Variants in PCYT1A observed in about 807,000 individuals in gnomAD.
The protein encoded by PCYT1A is choline-phosphate cytidylyltransferase A.
A neutral mutation model predicts 43.7 loss-of-function variants in PCYT1A; 25 were observed. That is an observed-to-expected ratio of 0.57 (90% CI 0.42 to 0.80). The LOEUF is 0.80. PCYT1A is among the 30% of genes least tolerant of loss of function. PCYT1A has a pLI of 0.00. For missense variants in PCYT1A, 421 were observed against 474.2 expected (o/e 0.89, Z 1.04); for synonymous variants, 172 against 170.7 (o/e 1.01, Z -0.06).
intron 3 of PCYT1A, among the ~76,000 whole-genome samples, chr3:196,256,854 T>C (rs997832530): frequency 6.6e-6 from 1 of 152,182 alleles, no homozygotes; most frequent in Non-Finnish European, 1.5e-5. Flanking sequence ...CTTCTATTTG[T>C]ATTTCACTGT....
In PCYT1A at chr3:196,246,871, G is replaced by A. The variant is rs1724585157; in HGVS notation, c.486+496C>T. 2.6e-5 allele frequency among the ~76,000 whole-genome samples: 4 copies of A among 151,562 alleles called. No homozygotes were observed. The South Asian group carries it at 8.3e-4, about 32-fold the overall frequency. ...AGTGGTGTAACTTGTGGCGAGTTCA[G>A]TTCCCAGCCCTGCCAGTGGTGTAAT... is the stretch of plus-strand genomic sequence containing the variant. On this transcript the variant is annotated intron_variant, in intron 5 of 8. Transcript: ENST00000431016.
At chr3:196,276,440 C>T (rs1438789669) in intron 1 of PCYT1A, among the ~76,000 whole-genome samples, 1 of 151,448 alleles carries the variant, frequency 6.6e-6, no homozygotes, top group African/African-American at 2.4e-5. Context: ...TCCATCTCTA[C>T]AAAAATACAA....
chr3:196,238,788 C>G lies in PCYT1A; in HGVS notation c.1004G>C (p.Arg335Pro), dbSNP rs754397679. The stretch of plus-strand genomic sequence containing the variant: ...GGAAGTCTTGCCGGAGAAGGGCCAT[C>G]GGAAAGAGGGGGAGGGGGAGCGCTC... ...TRERSPSPSF[R>P]WPFSGKTSPP... Residue 335 changes from arginine (R) to proline (P), a missense_variant, in exon 9 of 9, where the codon CGA (arginine) becomes CCA (proline). Arg to Pro is a moderately radical substitution (Grantham distance 103, BLOSUM62 -2). Transcript: ENST00000431016. The G allele has an allele frequency of 6.3e-7, 1 of 1,586,182 alleles. No individual in the cohort carries two copies. The highest frequency in any genetic ancestry group is 8.6e-7 in the Non-Finnish European group (1 of 1,167,166).
chr3:196,281,889 C>A (rs1725781600), intron 1 of PCYT1A, among the ~76,000 whole-genome samples: 1 of 152,160 alleles, frequency 6.6e-6, no homozygotes, highest in Non-Finnish European at 1.5e-5. Context: ...GGGGGTCTCA[C>A]TTTGCTGCCC....
At position 196,247,805 on chromosome 3, in the gene PCYT1A, C is replaced by T. The variant is rs1560165031; in HGVS notation, c.335-287G>A. The T allele has an allele frequency of 1.7e-6, 1 of 574,246 alleles. No individual in the cohort carries two copies. Among genetic ancestry groups the T allele is most frequent in the African/African-American group, 1.8e-5 (1 of 54,310 alleles). 35.6% of individuals were successfully genotyped at this position (574,246 alleles called of 1,614,324 possible). ...GAAATAAACCTGCTGTGCGTGTCTG[C>T]ATCAATTAAGTCCTTAAACATGTTT... On this transcript the variant is annotated intron_variant, in intron 4 of 8. Coordinates refer to ENST00000431016, the MANE Select transcript of PCYT1A (RefSeq NM_001312673.2). This position sits in a 1 kb window ranked among gnomAD's most constrained non-coding sequence, Gnocchi z 4.8.
At chr3:196,267,367 T>TG (rs1725305940) in intron 2 of PCYT1A, 2 of 454,556 alleles carry the variant, frequency 4.4e-6, no homozygotes, top group South Asian at 1.6e-5. Context: ...CTGGAGAGAC[T>TG]GGGGGGAAAT....
At chr3:196,265,226 G>A (rs1381776715) in intron 2 of PCYT1A, among the ~76,000 whole-genome samples, 1 of 151,650 alleles carries the variant, frequency 6.6e-6, no homozygotes, top group Non-Finnish European at 1.5e-5. Flanking sequence ...ACCATGCCCA[G>A]CTAATTTTTT....
rs1187667529 is a variant in PCYT1A, at chr3:196,242,150, A to C, written c.566-60T>G. The C allele has an allele frequency of 3.2e-6, 5 of 1,551,300 alleles. No homozygotes were observed. The Admixed American group carries it at 8.4e-5, about 26-fold the overall frequency. On this transcript the variant is annotated intron_variant, in intron 6 of 8. Transcript: ENST00000431016. The surrounding 1 kb of genome is among the most constrained non-coding windows in gnomAD (Gnocchi z 4.2). The stretch of plus-strand genomic sequence containing the variant: ...GGTTCTGGTTAGCTCAGGTATTAAG[A>C]CTAAATGGAAATTGGGGGCAACATT...
At position 196,244,103 on chromosome 3, in the gene PCYT1A, G is replaced by A. The variant is rs190821936; in HGVS notation, c.487-1463C>T. Reference sequence around the variant, plus strand: ...GAGATGTGGGGAGCGCCTCTGCCCCGCCGCCCCATCTGGGATGTGAGGAGC... The same window carrying A: ...GAGATGTGGGGAGCGCCTCTGCCCCACCGCCCCATCTGGGATGTGAGGAGC... On this transcript the variant is annotated intron_variant, in intron 5 of 8. Coordinates refer to ENST00000431016, the MANE Select transcript of PCYT1A (RefSeq NM_001312673.2). Among the ~76,000 whole-genome samples, 1,153 of 149,544 alleles carry A rather than the reference G, an allele frequency of 7.7e-3. 5 individuals are homozygous for A. The highest frequency in any genetic ancestry group is 0.029 in the Middle Eastern group (8 of 274).
chr3:196,240,062 G>A (rs556435600), intron 7 of PCYT1A: 24 of 264,980 alleles, frequency 9.1e-5, no homozygotes, highest in Admixed American at 1.4e-4. Context: ...AGCATGGCCC[G>A]AACCTCATTC....
At chr3:196,248,947 A>C (rs904572508) in intron 3 of PCYT1A, among the ~76,000 whole-genome samples, 1 of 151,196 alleles carries the variant, frequency 6.6e-6, no homozygotes, top group Non-Finnish European at 1.5e-5. Flanking sequence ...TTTTTAGTAG[A>C]GATGGGGTTT....
At chr3:196,275,266 A>G (rs1478134020) in intron 1 of PCYT1A, among the ~76,000 whole-genome samples, 1 of 152,240 alleles carries the variant, frequency 6.6e-6, no homozygotes, top group African/African-American at 2.4e-5. Flanking sequence ...GGAGGACATT[A>G]TGCTAAGTGA....
Position 196,241,970 on chromosome 3 carries a change from T to C in PCYT1A, c.686A>G (p.Glu229Gly). ...RNLQRGYTAKELNVSFINEKK... is the reference protein window; with the variant it reads ...RNLQRGYTAKGLNVSFINEKK... The stretch of plus-strand genomic sequence containing the variant: ...CACGTTGATAAAGCTGACATTGAGC[T>C]CCTTTGCTGTGTAGCCCCTCTGCAG... Residue 229 changes from glutamate to glycine, a missense_variant, in exon 7 of 9, where the codon GAG becomes GGG. By Grantham distance (98) the Glu-to-Gly change is moderately conservative (BLOSUM62 -2). Transcript: ENST00000431016. The C allele has an allele frequency of 6.2e-7, 1 of 1,614,188 alleles. No homozygotes were observed. The highest frequency in any genetic ancestry group is 8.5e-7 in the Non-Finnish European group (1 of 1,180,034).
rs1351748774 is a variant in PCYT1A, at chr3:196,273,026, G to A, written c.-10-2485C>T. On this transcript the variant is annotated intron_variant, in intron 1 of 8. Coordinates refer to ENST00000431016, the MANE Select transcript of PCYT1A (RefSeq NM_001312673.2). The surrounding 1 kb of genome is among the most constrained non-coding windows in gnomAD (Gnocchi z 4.1). Reference sequence around the variant, plus strand: ...GGAGCGGCAAGAGGTGCACAGGCGAGCCAGCACAGGGTCCGGCCACTGCGC... The same window carrying A: ...GGAGCGGCAAGAGGTGCACAGGCGAACCAGCACAGGGTCCGGCCACTGCGC... Among the ~76,000 whole-genome samples, 1 of 152,204 alleles carries A rather than the reference G, an allele frequency of 6.6e-6. No homozygotes were observed. The highest frequency in any genetic ancestry group is 1.5e-5 in the Non-Finnish European group (1 of 68,034).
intron 3 of PCYT1A, among the ~76,000 whole-genome samples, chr3:196,254,446 G>A (rs1724895826): frequency 6.6e-6 from 1 of 152,018 alleles, no homozygotes; most frequent in African/African-American, 2.4e-5. Context: ...GACCTCCTGG[G>A]CTCAAACAAT....
chr3:196,279,915 A>T (rs1577377710), intron 1 of PCYT1A, among the ~76,000 whole-genome samples: 3 of 137,368 alleles, frequency 2.2e-5, no homozygotes, highest in African/African-American at 8.3e-5. Flanking sequence ...GCTCACCACA[A>T]CCTCCACCTC....
chr3:196,243,735 T>C (rs1334725162), intron 5 of PCYT1A, among the ~76,000 whole-genome samples: 1 of 152,256 alleles, frequency 6.6e-6, no homozygotes, highest in Non-Finnish European at 1.5e-5. Flanking sequence ...AGGGTTTTGC[T>C]GTGTTGGCCG....
chr3:196,270,579 G>A (rs919739653), intron 1 of PCYT1A, 38 bp from the exon 2 acceptor site: 1 of 1,387,796 alleles, frequency 7.2e-7, no homozygotes, highest in Non-Finnish European at 1.0e-6. Flanking sequence ...TTTCTCATTG[G>A]GGTGGGAAAA....
At chr3:196,254,032 A>AT (rs900744793) in intron 3 of PCYT1A, among the ~76,000 whole-genome samples, 81 of 146,040 alleles carry the variant, frequency 5.5e-4, no homozygotes, top group Non-Finnish European at 6.2e-4. Flanking sequence ...AGATAGATAG[A>AT]TTTTTTTTTT....
Sources: allele counts gnomAD v4.1 joint callset (sites outside exome capture counted in the v4.1 genomes callset), GRCh38; gene constraint gnomAD v4.1.1; non-coding constraint Gnocchi (gnomAD v3.1); transcripts MANE v1.5; gene names NCBI Gene and HGNC (gene_info 2026-07-23, HGNC 2026-07-21).